The following PCDHGB3 variants were observed in gnomAD, a reference collection of about 807,000 sequenced individuals.
PCDHGB3 encodes the protein protocadherin gamma subfamily B, 3.
A neutral mutation model predicts 59.2 loss-of-function variants in PCDHGB3; 40 were observed. The ratio of observed to expected loss-of-function variants is 0.68; its 90% CI spans 0.52 to 0.88. The LOEUF (loss-of-function observed/expected upper bound fraction) is 0.88, where lower values mean the gene tolerates loss of function less well. Ranked by LOEUF, PCDHGB3 falls within the 40% of genes least tolerant of loss-of-function variation. The pLI, the probability that PCDHGB3 is intolerant of heterozygous loss-of-function variation, is 0.00. For synonymous variants in PCDHGB3, 581 were observed against 503.6 expected (o/e 1.15, Z -2.06); for missense variants, 1,309 against 1,187.9 (o/e 1.10, Z -1.50).
chr5:141,441,195 A>C (rs1160365905), intron 1 of PCDHGB3: 1 of 152,224 alleles, frequency 6.6e-6, no homozygotes, highest in Non-Finnish European at 1.5e-5. Context: ...TGATTCCCAA[A>C]GATTCTGCAC....
intron 1 of PCDHGB3, among the ~76,000 whole-genome samples, chr5:141,469,189 T>C (rs1393685141): frequency 2.6e-5 from 4 of 151,710 alleles, no homozygotes; most frequent in African/African-American, 9.7e-5. Flanking sequence ...GGCAAGAGGA[T>C]TGCTTGAGCC....
Position 141,477,689 on chromosome 5 carries a change from C to T in PCDHGB3, c.2416-17118C>T. The T allele has an allele frequency of 6.2e-7, 1 of 1,614,156 alleles. No individual in the cohort carries two copies. The highest frequency in any genetic ancestry group is 8.5e-7 in the Non-Finnish European group (1 of 1,180,024). ...TGGCATAGTGTCATCCTTAGTGCCC[C>T]TAGACTATGAGGATCGGCGGGAATT... On this transcript the variant is annotated intron_variant, in intron 1 of 3. Transcript: ENST00000576222. This position sits in a 1 kb window ranked among gnomAD's most constrained non-coding sequence, Gnocchi z 4.9.
intron 1 of PCDHGB3, among the ~76,000 whole-genome samples, chr5:141,462,769 G>T (rs1462290112): frequency 6.6e-6 from 1 of 151,956 alleles, no homozygotes; most frequent in African/African-American, 2.4e-5. Flanking sequence ...TCCTGGCTTG[G>T]GGTCATAATT....
chr5:141,461,591 C>T (rs1368759571), intron 1 of PCDHGB3, among the ~76,000 whole-genome samples: 1 of 152,088 alleles, frequency 6.6e-6, no homozygotes, highest in Non-Finnish European at 1.5e-5. Flanking sequence ...GTTATATTTC[C>T]ATTATAATTT....
intron 1 of PCDHGB3, chr5:141,394,756 A>T (rs757241753): frequency 1.2e-6 from 2 of 1,613,324 alleles, no homozygotes; most frequent in Non-Finnish European, 1.7e-6. Flanking sequence ...GCCGTCCAGG[A>T]CCATGGCCAG....
At chr5:141,400,411 T>G in intron 1 of PCDHGB3, 1 of 1,614,062 alleles carries the variant, frequency 6.2e-7, no homozygotes, top group Non-Finnish European at 8.5e-7. Flanking sequence ...GGAGTTTAAT[T>G]TCCTAAAATG....
chr5:141,507,206 G>A (rs1392293998), intron 3 of PCDHGB3: 2 of 152,376 alleles, frequency 1.3e-5, no homozygotes, highest in African/African-American at 4.8e-5. Flanking sequence ...CCAGATCAGG[G>A]TTGCCAGATA....
chr5:141,503,400 A>C (rs2099819725), intron 2 of PCDHGB3, among the ~76,000 whole-genome samples: 1 of 151,750 alleles, frequency 6.6e-6, no homozygotes, highest in Non-Finnish European at 1.5e-5. Context: ...TTCGAAACCA[A>C]CCTGGCCAAT....
At chr5:141,394,797 G>A (rs551668843) in intron 1 of PCDHGB3, 2 of 1,613,798 alleles carry the variant, frequency 1.2e-6, no homozygotes, top group Admixed American at 1.7e-5. Flanking sequence ...CACGCTCACC[G>A]TAGCCGTGGC....
intron 1 of PCDHGB3, chr5:141,374,501 G>T (rs746410507): frequency 8.1e-6 from 13 of 1,611,510 alleles, no homozygotes; most frequent in Non-Finnish European, 1.0e-5. Context: ...AGAATTGGAA[G>T]TGAAAATTCT....
rs757707945 is a variant in PCDHGB3 at position 141,399,045 on chromosome 5, A to C, written c.2415+26236A>C. On this transcript the variant is annotated intron_variant, in intron 1 of 3. Coordinates refer to ENST00000576222, the MANE Select transcript of PCDHGB3 (RefSeq NM_018924.5). ...CCACTCAAAAGAAACTGGATTTTGAAGAGACCAAGGAATATTCAATGGTTG... is the reference window on the plus strand; with the variant it reads ...CCACTCAAAAGAAACTGGATTTTGACGAGACCAAGGAATATTCAATGGTTG... The C allele has an allele frequency of 3.1e-6, 5 of 1,613,878 alleles. No individual in the cohort carries two copies. The Admixed American group carries it at 5.0e-5, about 16-fold the overall frequency.
At chr5:141,505,300 G>A in intron 2 of PCDHGB3, 93 bp from the exon 3 acceptor site, 1 of 1,589,042 alleles carries the variant, frequency 6.3e-7, no homozygotes, top group South Asian at 1.1e-5. Flanking sequence ...GGTAGGGTTA[G>A]GGTACTAGGT....
At chr5:141,391,471 C>G (rs2092375745) in intron 1 of PCDHGB3, 1 of 152,152 alleles carries the variant, frequency 6.6e-6, no homozygotes, top group Non-Finnish European at 1.5e-5. Flanking sequence ...GCCACCAGAC[C>G]TGGCTAATTT....
At chr5:141,408,885 T>C (rs1263835706) in intron 1 of PCDHGB3, 3 of 1,612,902 alleles carry the variant, frequency 1.9e-6, no homozygotes, top group East Asian at 2.2e-5. Flanking sequence ...ACCGCTCACA[T>C]AGAAATTTCT....
chr5:141,451,301 G>T (rs963686418), intron 1 of PCDHGB3, among the ~76,000 whole-genome samples: 3 of 152,196 alleles, frequency 2.0e-5, no homozygotes, highest in Non-Finnish European at 4.4e-5. Flanking sequence ...AGTCTTACAA[G>T]GCAGCAATTA....
chr5:141,433,379 CTAT>C (rs2097594474), intron 1 of PCDHGB3, among the ~76,000 whole-genome samples: 1 of 151,230 alleles, frequency 6.6e-6, no homozygotes, highest in Non-Finnish European at 1.5e-5. Context: ...ATCTATCTAT[CTAT>C]CTATCTATCT....
intron 1 of PCDHGB3, chr5:141,478,141 C>T (rs770862398): frequency 6.2e-7 from 1 of 1,614,044 alleles, no homozygotes; most frequent in Non-Finnish European, 8.5e-7. Context: ...AAGCCCGAGC[C>T]GAGTTCCCCT....
intron 1 of PCDHGB3, chr5:141,414,681 G>A: frequency 6.2e-7 from 1 of 1,613,954 alleles, no homozygotes; most frequent in African/African-American, 1.3e-5. Context: ...CCATCCAGGG[G>A]GTACCTCTGT....
Position 141,494,824 on chromosome 5 carries a change from G to A in PCDHGB3, c.2433G>A (p.Thr811=), listed in dbSNP as rs1423741889. The A allele has an allele frequency of 1.8e-5, 29 of 1,613,924 alleles. No homozygotes were observed. Among genetic ancestry groups the A allele is most frequent in the Non-Finnish European group, 2.4e-5 (28 of 1,180,032 alleles). Residue 811 remains threonine (T), a synonymous_variant, in exon 2 of 4, where the codon ACG becomes ACA. Transcript: ENST00000576222. The part of the protein sequence containing the change: ...GNLQKQAPPN[T]DWRFSQAQRP... ...CTCCACAGCAAGCCCCGCCCAACAC[G>A]GACTGGCGTTTCTCTCAGGCCCAGA...
Sources: allele counts gnomAD v4.1 joint callset (sites outside exome capture counted in the v4.1 genomes callset), GRCh38; gene constraint gnomAD v4.1.1; non-coding constraint Gnocchi (gnomAD v3.1); transcripts MANE v1.5; gene names NCBI Gene and HGNC (gene_info 2026-07-23, HGNC 2026-07-21).